Variants in RPTOR observed in about 807,000 individuals in gnomAD.
The protein encoded by RPTOR is regulatory associated protein of MTOR complex 1.
In RPTOR, 21 loss-of-function variants were observed where a neutral mutation model predicts 169.9. That is an observed-to-expected ratio of 0.12 (90% CI 0.09 to 0.18). RPTOR has a LOEUF of 0.18. Among genes scored for constraint, RPTOR ranks in the 10% least tolerant of loss-of-function variants. The pLI is 1.00. For synonymous variants in RPTOR, 732 were observed against 753.2 expected (o/e 0.97, Z 0.46); for missense variants, 1,133 against 1,855.9 (o/e 0.61, Z 7.16).
intron 6 of RPTOR, among the ~76,000 whole-genome samples, chr17:80,756,989 A>G (rs1343329974): frequency 6.6e-6 from 1 of 152,200 alleles, no homozygotes; most frequent in East Asian, 1.9e-4. Flanking sequence ...TGAAATAAAG[A>G]ACACAGTAGA....
intron 7 of RPTOR, among the ~76,000 whole-genome samples, chr17:80,798,234 C>T (rs1408160026): frequency 6.6e-6 from 1 of 152,154 alleles, no homozygotes; most frequent in Non-Finnish European, 1.5e-5. Context: ...AACTTCCCTC[C>T]TTACAGGGCT....
At chr17:80,591,202 ATCTCCTCCCCTCTCCTCCCC>A (rs1382606005) in intron 1 of RPTOR, among the ~76,000 whole-genome samples, 104 of 1,916 alleles carry the variant, frequency 0.054, 2 homozygotes, top group East Asian at 0.17. Context: ...CTCTCCTCCC[ATCTCCTCCCCTCTCCTCCCC>A]TCTCCTCCCC....
In RPTOR at chr17:80,955,219, C is replaced by T. The variant is rs557364075; in HGVS notation, c.3371-2405C>T. Among the ~76,000 whole-genome samples, 98 of 152,324 alleles carry T rather than the reference C, an allele frequency of 6.4e-4. 1 individual carries two copies. Among genetic ancestry groups the T allele is most frequent in the Non-Finnish European group, 4.1e-4 (28 of 68,038 alleles). On this transcript the variant is annotated intron_variant, in intron 28 of 33. Transcript: ENST00000306801. ...CAAGGCAATATTGAAGAGGCGCAGA[C>T]GGCATTAAGAAGCTGCAATTGCAGG... is the stretch of plus-strand genomic sequence containing the variant.
intron 5 of RPTOR, among the ~76,000 whole-genome samples, chr17:80,743,670 GGCACAGCCCTGGCTACTA>G (rs201909999): frequency 0.048 from 6,631 of 137,920 alleles, 285 homozygotes; most frequent in Non-Finnish European, 0.066. Context: ...AAGGGTTGAG[GGCACAGCCCTGGCTACTA>G]GCACAGCCCT....
In RPTOR at chr17:80,844,409, G is replaced by A. The variant is rs2067703560; in HGVS notation, c.1213-2064G>A. Among the ~76,000 whole-genome samples the A allele has an allele frequency of 6.6e-6, 1 of 152,226 alleles. No homozygotes were observed. On this transcript the variant is annotated intron_variant, in intron 10 of 33. Coordinates refer to ENST00000306801, the MANE Select transcript of RPTOR (RefSeq NM_020761.3). This position sits in a 1 kb window ranked among gnomAD's most constrained non-coding sequence, Gnocchi z 4.7. ...AGCTAATGTGATAGAAAGAAGAGGT[G>A]TAACTATCTGAATTACCTGACTTCT...
chr17:80,556,019 G>GTTTT (rs143244019), intron 1 of RPTOR, among the ~76,000 whole-genome samples: 1 of 146,470 alleles, frequency 6.8e-6, no homozygotes, highest in South Asian at 2.2e-4. Flanking sequence ...GATCTAAAAA[G>GTTTT]TTTTTTGTTT....
chr17:80,726,942 T>C lies in RPTOR; in HGVS notation c.508-3618T>C, dbSNP rs2066340275. Reference sequence around the variant, plus strand: ...AAGTGGGTGGGGGAGGAGAGGAGCATGCTTCCCCCAACCCCTGGGGACCTG... The same window carrying C: ...AAGTGGGTGGGGGAGGAGAGGAGCACGCTTCCCCCAACCCCTGGGGACCTG... On this transcript the variant is annotated intron_variant, in intron 4 of 33. Coordinates refer to ENST00000306801, the MANE Select transcript of RPTOR (RefSeq NM_020761.3). This position sits in a 1 kb window ranked among gnomAD's most constrained non-coding sequence, Gnocchi z 4.5. Among the ~76,000 whole-genome samples, 1 of 152,120 alleles carries C rather than the reference T, an allele frequency of 6.6e-6. No homozygotes were observed. The highest frequency in any genetic ancestry group is 1.5e-5 in the Non-Finnish European group (1 of 68,012).
At chr17:80,950,083 A>C (rs1239886626) in intron 28 of RPTOR, among the ~76,000 whole-genome samples, 1 of 152,176 alleles carries the variant, frequency 6.6e-6, no homozygotes, top group East Asian at 1.9e-4. Context: ...GGCGAGGCGC[A>C]GGCCCACAGG....
chr17:80,882,488 G>A (rs571718485), intron 14 of RPTOR, among the ~76,000 whole-genome samples: 27 of 152,330 alleles, frequency 1.8e-4, no homozygotes, highest in African/African-American at 5.1e-4. Context: ...GCTCTCGGCC[G>A]GGGACAGGGG....
chr17:80,774,645 C>T (rs920068820), intron 6 of RPTOR, among the ~76,000 whole-genome samples: 5 of 152,168 alleles, frequency 3.3e-5, no homozygotes, highest in Admixed American at 1.3e-4. Flanking sequence ...GATGCCGTGC[C>T]GTACTTTACA....
chr17:80,714,626 C>T (rs1567871735), intron 4 of RPTOR, among the ~76,000 whole-genome samples: 3 of 152,184 alleles, frequency 2.0e-5, no homozygotes, highest in African/African-American at 7.2e-5. Flanking sequence ...GAAACTATGA[C>T]ACCCAAATTT....
At chr17:80,885,917 A>T (rs966223380) in intron 17 of RPTOR, among the ~76,000 whole-genome samples, 12 of 152,236 alleles carry the variant, frequency 7.9e-5, no homozygotes, top group African/African-American at 2.7e-4. Context: ...CCAAGGTTTC[A>T]CACCCTCAGA....
At chr17:80,885,365 C>T (rs533230287) in intron 17 of RPTOR, among the ~76,000 whole-genome samples, 5 of 152,342 alleles carry the variant, frequency 3.3e-5, no homozygotes, top group East Asian at 1.9e-4. Context: ...TAGCAGGCTG[C>T]GCCTCCCGGC....
At chr17:80,802,192 A>G (rs1428437228) in intron 7 of RPTOR, 1 of 152,270 alleles carries the variant, frequency 6.6e-6, no homozygotes, top group African/African-American at 2.4e-5. Flanking sequence ...GTGGTACCCA[A>G]ACCCTGGTAT....
intron 6 of RPTOR, among the ~76,000 whole-genome samples, chr17:80,755,813 T>C (rs567871173): frequency 1.3e-5 from 2 of 151,456 alleles, no homozygotes; most frequent in East Asian, 3.9e-4. Context: ...GAGAGGGATC[T>C]GCAGTGTTTC....
chr17:80,842,897 T>C (rs891170033), intron 10 of RPTOR, among the ~76,000 whole-genome samples: 4 of 152,186 alleles, frequency 2.6e-5, no homozygotes, highest in Non-Finnish European at 4.4e-5. Flanking sequence ...CTCTGTTCCC[T>C]CCTTTGCACC....
chr17:80,670,059 A>G (rs117736066), intron 3 of RPTOR, among the ~76,000 whole-genome samples: 9,242 of 152,218 alleles, frequency 0.061, 372 homozygotes, highest in Middle Eastern at 0.11. Flanking sequence ...AATAGTTTAA[A>G]ACCATTACCC....
intron 13 of RPTOR, among the ~76,000 whole-genome samples, chr17:80,870,086 G>C (rs946472093): frequency 6.6e-5 from 10 of 152,172 alleles, no homozygotes; most frequent in African/African-American, 2.4e-4. Context: ...CCGTAGGCAA[G>C]GTTCCAGTTA....
chr17:80,777,655 T>C (rs9898483), intron 6 of RPTOR, among the ~76,000 whole-genome samples: 41,442 of 152,070 alleles, frequency 0.27, 5,802 homozygotes, highest in African/African-American at 0.33. Flanking sequence ...TTTAGTGTCA[T>C]GTTTAAGAAG....
Sources: allele counts gnomAD v4.1 joint callset (sites outside exome capture counted in the v4.1 genomes callset), GRCh38; gene constraint gnomAD v4.1.1; non-coding constraint Gnocchi (gnomAD v3.1); transcripts MANE v1.5; gene names NCBI Gene and HGNC (gene_info 2026-07-23, HGNC 2026-07-21).